PDE4D: variants seen among roughly 807,000 people sequenced by gnomAD.
The protein encoded by PDE4D is phosphodiesterase 4D.
PDE4D carries 24 observed loss-of-function variants against 87.4 expected under a neutral mutation model. That is an observed-to-expected ratio of 0.27 (90% confidence interval 0.20 to 0.39). The LOEUF is 0.39. Ranked by LOEUF, PDE4D falls within the 10% of genes least tolerant of loss-of-function variation. The pLI is 1.00. For synonymous variants in PDE4D, 384 were observed against 383.2 expected (o/e 1.00, Z -0.02); for missense variants, 714 against 1,041.0 (o/e 0.69, Z 4.32).
intron 6 of PDE4D, among the ~76,000 whole-genome samples, chr5:59,006,012 C>T (rs1221683910): frequency 1.3e-5 from 2 of 152,226 alleles, no homozygotes; most frequent in African/African-American, 4.8e-5. Flanking sequence ...CAGGTGCCCA[C>T]AGGCAGACAG....
intron 1 of PDE4D, among the ~76,000 whole-genome samples, chr5:59,435,130 C>A (rs551953350): frequency 1.3e-5 from 2 of 152,208 alleles, no homozygotes; most frequent in East Asian, 3.9e-4. Context: ...AATTATCTTT[C>A]CCCCTATGTT....
intron 1 of PDE4D, among the ~76,000 whole-genome samples, chr5:59,552,645 G>A (rs763282426): frequency 1.3e-5 from 2 of 152,006 alleles, no homozygotes; most frequent in Non-Finnish European, 2.9e-5. Context: ...ACAACAAATG[G>A]ATATTAAGTT....
intron 1 of PDE4D, among the ~76,000 whole-genome samples, chr5:59,271,327 C>T (rs1003118476): frequency 3.9e-5 from 6 of 152,060 alleles, no homozygotes; most frequent in Non-Finnish European, 5.9e-5. Context: ...GAGCAAGCTA[C>T]GCCGCCTGGC....
intron 1 of PDE4D, among the ~76,000 whole-genome samples, chr5:59,658,517 G>A (rs888903832): frequency 5.9e-5 from 9 of 152,154 alleles, no homozygotes; most frequent in African/African-American, 2.2e-4. Flanking sequence ...GAGTAGCTGG[G>A]ACTGCAGGCG....
intron 1 of PDE4D, among the ~76,000 whole-genome samples, chr5:59,229,728 T>C (rs1241243957): frequency 6.6e-6 from 1 of 152,184 alleles, no homozygotes; most frequent in East Asian, 1.9e-4. Context: ...GGTAATTACA[T>C]ATCAGGAAAG....
chr5:59,120,081 C>T (rs1288970859), intron 5 of PDE4D, among the ~76,000 whole-genome samples: 1 of 152,178 alleles, frequency 6.6e-6, no homozygotes, highest in Non-Finnish European at 1.5e-5. Flanking sequence ...GATCCTCCTA[C>T]ATCGGCCTCC....
intron 1 of PDE4D, among the ~76,000 whole-genome samples, chr5:59,777,645 T>A (rs771658431): frequency 6.6e-6 from 1 of 152,164 alleles, no homozygotes; most frequent in East Asian, 1.9e-4. Context: ...TTAGATTATG[T>A]AGGTATTGAT....
At chr5:59,149,717 T>TTG (rs1779201096) in intron 5 of PDE4D, among the ~76,000 whole-genome samples, 1 of 147,864 alleles carries the variant, frequency 6.8e-6, no homozygotes, top group Non-Finnish European at 1.5e-5. Flanking sequence ...TTTTTTTTTT[T>TTG]TTTTTTTTTT....
chr5:59,178,351 C>A (rs1304805949), intron 5 of PDE4D, among the ~76,000 whole-genome samples: 1 of 152,064 alleles, frequency 6.6e-6, no homozygotes, highest in Non-Finnish European at 1.5e-5. Flanking sequence ...AATTAGTTTC[C>A]CTTTCTAGAT....
chr5:59,082,442 T>C (rs1008379930), intron 5 of PDE4D, among the ~76,000 whole-genome samples: 1 of 152,072 alleles, frequency 6.6e-6, no homozygotes, highest in Non-Finnish European at 1.5e-5. Flanking sequence ...AACTCAAAAT[T>C]CAGGAGAATC....
At chr5:60,439,232 C>A (rs1476895262) in intron 1 of PDE4D, among the ~76,000 whole-genome samples, 1 of 152,078 alleles carries the variant, frequency 6.6e-6, no homozygotes, top group Non-Finnish European at 1.5e-5. Context: ...GCTCTTATAA[C>A]TGCGGAAATA....
chr5:59,098,036 C>T (rs1169633782), intron 5 of PDE4D, among the ~76,000 whole-genome samples: 1 of 152,160 alleles, frequency 6.6e-6, no homozygotes, highest in African/African-American at 2.4e-5. Context: ...CCTTTAACTC[C>T]CAAATTCCCA....
chr5:60,069,259 G>T (rs540475972), intron 2 of PDE4D, among the ~76,000 whole-genome samples: 1 of 152,266 alleles, frequency 6.6e-6, no homozygotes, highest in East Asian at 1.9e-4. Flanking sequence ...TTACAGAGAT[G>T]ATTAGGTCAT....
intron 1 of PDE4D, among the ~76,000 whole-genome samples, chr5:59,858,095 T>A (rs551042002): frequency 6.6e-6 from 1 of 152,092 alleles, no homozygotes; most frequent in Non-Finnish European, 1.5e-5. Flanking sequence ...TGGGACTCTT[T>A]CTATGCAAAG....
At chr5:60,179,403 G>T (rs1420143380) in intron 2 of PDE4D, among the ~76,000 whole-genome samples, 1 of 152,048 alleles carries the variant, frequency 6.6e-6, no homozygotes, top group Non-Finnish European at 1.5e-5. Flanking sequence ...AGACTTAAAG[G>T]TTTTGGCGCA....
At position 58,970,130 on chromosome 5, in the gene PDE4D, T is replaced by C. The variant is rs1441558860; in HGVS notation, c.*4534A>G. On this transcript the variant is annotated 3_prime_UTR_variant, in exon 15 of 15. Coordinates refer to ENST00000340635, the MANE Select transcript of PDE4D (RefSeq NM_001104631.2). ...CATATAAAAATTTCATATGAAGGTATTGATGTACAGTACTATCCCCGTGGG... is the reference window on the plus strand; with the variant it reads ...CATATAAAAATTTCATATGAAGGTACTGATGTACAGTACTATCCCCGTGGG... The C allele has an allele frequency of 2.6e-5, 4 of 152,166 alleles. No individual in the cohort carries two copies. In the East Asian group the frequency reaches 5.8e-4, roughly 22 times the overall value. The allele number at this position is 152,166 out of a possible 1,614,324, so 9.4% of individuals were successfully genotyped here. A position where few individuals can be genotyped will look rare whatever the true frequency, so the allele number is the denominator to read the frequency against.
chr5:59,135,908 T>C (rs1776993379), intron 5 of PDE4D, among the ~76,000 whole-genome samples: 1 of 152,288 alleles, frequency 6.6e-6, no homozygotes, highest in Middle Eastern at 3.4e-3. Context: ...ATTGAGAATC[T>C]ATTTTGTGAT....
chr5:59,295,575 G>C (rs1768905546), intron 1 of PDE4D, among the ~76,000 whole-genome samples: 1 of 152,178 alleles, frequency 6.6e-6, no homozygotes, highest in Non-Finnish European at 1.5e-5. Flanking sequence ...GATGAGGCAG[G>C]AACTTCGGCC....
intron 2 of PDE4D, among the ~76,000 whole-genome samples, chr5:60,038,528 C>A (rs1171892080): frequency 1.3e-5 from 2 of 151,976 alleles, no homozygotes; most frequent in African/African-American, 4.8e-5. Context: ...GTTACTGTAG[C>A]CTTGTAGTAT....
Sources: gnomAD v4.1 joint callset for allele counts (sites outside exome capture counted in the v4.1 genomes callset) on GRCh38, gnomAD v4.1.1 for gene constraint, MANE v1.5 for transcripts, NCBI Gene and HGNC (gene_info 2026-07-23, HGNC 2026-07-21) for gene names.